L3MBTL4: variants seen among roughly 807,000 people sequenced by gnomAD.
The protein encoded by L3MBTL4 is L3MBTL histone methyl-lysine binding protein 4, also known as lethal(3)malignant brain tumor-like protein 4.
L3MBTL4 carries 70 observed loss-of-function variants against 84.5 expected under a neutral mutation model. The observed-to-expected ratio is 0.83, with a 90% confidence interval of 0.68 to 1.01. The LOEUF is 1.01. Ranked by LOEUF, L3MBTL4 falls within the 50% of genes least tolerant of loss-of-function variation. The pLI, the probability that L3MBTL4 is intolerant of heterozygous loss-of-function variation, is 0.00. For synonymous variants in L3MBTL4, 274 were observed against 259.8 expected (o/e 1.05, Z -0.52); for missense variants, 715 against 754.8 (o/e 0.95, Z 0.62).
At chr18:6,202,952 C>A (rs1433024309) in intron 12 of L3MBTL4, among the ~76,000 whole-genome samples, 1 of 152,148 alleles carries the variant, frequency 6.6e-6, no homozygotes. Context: ...GAATGGATGA[C>A]CTCACTTAAG....
intron 16 of L3MBTL4, among the ~76,000 whole-genome samples, chr18:6,057,467 C>A (rs1270118292): frequency 6.6e-6 from 1 of 152,120 alleles, no homozygotes; most frequent in Non-Finnish European, 1.5e-5. Flanking sequence ...AAAATGTCAT[C>A]AAAATACCTA....
At chr18:6,087,168 A>G (rs1420367516) in intron 15 of L3MBTL4, among the ~76,000 whole-genome samples, 2 of 152,224 alleles carry the variant, frequency 1.3e-5, no homozygotes, top group Non-Finnish European at 1.5e-5. Context: ...GAATGAATGA[A>G]TATGTCTAAT....
chr18:6,091,888 A>C (rs1339039965), intron 15 of L3MBTL4, among the ~76,000 whole-genome samples: 1 of 152,188 alleles, frequency 6.6e-6, no homozygotes, highest in African/African-American at 2.4e-5. Flanking sequence ...GGTCTCTATG[A>C]TTCTGGAATA....
intron 1 of L3MBTL4, among the ~76,000 whole-genome samples, chr18:6,337,402 T>A (rs1358276949): frequency 2.0e-5 from 3 of 152,234 alleles, no homozygotes; most frequent in Non-Finnish European, 2.9e-5. Flanking sequence ...ATACAGTCAT[T>A]AAACAGAATG....
At chr18:6,035,427 T>C (rs1218011209) in intron 16 of L3MBTL4, among the ~76,000 whole-genome samples, 4 of 150,776 alleles carry the variant, frequency 2.7e-5, no homozygotes, top group African/African-American at 9.7e-5. Flanking sequence ...ATTGCTTGTT[T>C]TTCTCAGGTT....
intron 5 of L3MBTL4, among the ~76,000 whole-genome samples, chr18:6,261,542 C>A (rs1007172206): frequency 3.9e-5 from 6 of 152,212 alleles, no homozygotes; most frequent in African/African-American, 1.4e-4. Flanking sequence ...CGTTGTGCCC[C>A]TCCCACTTAC....
At chr18:6,372,773 GT>G (rs2054207758) in intron 1 of L3MBTL4, among the ~76,000 whole-genome samples, 2 of 152,126 alleles carry the variant, frequency 1.3e-5, no homozygotes, top group Admixed American at 6.5e-5. Flanking sequence ...AATTGCTTCA[GT>G]GTTTTCTTTG....
At chr18:6,078,425 TCAAAAAAAAAAAA>T (rs2057938779) in intron 16 of L3MBTL4, among the ~76,000 whole-genome samples, 1 of 32,806 alleles carries the variant, frequency 3.0e-5, no homozygotes, top group African/African-American at 2.2e-4. Context: ...AGAGTCCACC[TCAAAAAAAAAAAA>T]CAAAAAAAAA....
At chr18:6,349,890 A>G (rs2053096869) in intron 1 of L3MBTL4, among the ~76,000 whole-genome samples, 1 of 152,132 alleles carries the variant, frequency 6.6e-6, no homozygotes, top group Non-Finnish European at 1.5e-5. Context: ...ATGTTTCTTG[A>G]TCTGAATGCT....
chr18:6,046,416 A>G (rs1236376534), intron 16 of L3MBTL4, among the ~76,000 whole-genome samples: 1 of 152,226 alleles, frequency 6.6e-6, no homozygotes, highest in African/African-American at 2.4e-5. Flanking sequence ...CCTAATAGGC[A>G]TCTACAGAAT....
At chr18:6,135,099 C>A (rs1220233363) in intron 14 of L3MBTL4, among the ~76,000 whole-genome samples, 2 of 152,198 alleles carry the variant, frequency 1.3e-5, no homozygotes. Flanking sequence ...CATGTGGAAG[C>A]TGCCAAGGCT....
At chr18:5,994,102 T>C (rs572174430) in intron 16 of L3MBTL4, among the ~76,000 whole-genome samples, 2 of 152,314 alleles carry the variant, frequency 1.3e-5, no homozygotes, top group South Asian at 2.1e-4. Flanking sequence ...TCTACCTCCC[T>C]GTCCACCAGG....
At chr18:5,961,512 A>C (rs9964544) in intron 17 of L3MBTL4, among the ~76,000 whole-genome samples, 56,336 of 152,034 alleles carry the variant, frequency 0.37, 10,742 homozygotes, top group East Asian at 0.51. Context: ...GCTTTACTCA[A>C]CCCTGGTGCT....
chr18:6,201,807 C>A (rs368529437), intron 12 of L3MBTL4, among the ~76,000 whole-genome samples: 2 of 152,162 alleles, frequency 1.3e-5, no homozygotes, highest in East Asian at 3.9e-4. Context: ...TAAATATGTA[C>A]AAATATTGCA....
intron 16 of L3MBTL4, among the ~76,000 whole-genome samples, chr18:6,014,697 G>T (rs1167038997): frequency 3.3e-5 from 5 of 152,152 alleles, no homozygotes; most frequent in Non-Finnish European, 1.5e-5. Flanking sequence ...GTGAATAGGG[G>T]AAGAGGAGCT....
At chr18:6,064,349 T>C (rs1350520147) in intron 16 of L3MBTL4, among the ~76,000 whole-genome samples, 1 of 152,144 alleles carries the variant, frequency 6.6e-6, no homozygotes, top group Non-Finnish European at 1.5e-5. Context: ...AGGCTCTCTT[T>C]TCATTCCATA....
chr18:6,407,868 T>C (rs146507430), intron 1 of L3MBTL4, among the ~76,000 whole-genome samples: 80 of 152,294 alleles, frequency 5.3e-4, no homozygotes, highest in African/African-American at 1.7e-3. Context: ...CAGAGTGCAA[T>C]TGTGGACGAC....
chr18:6,312,946 C>G lies in L3MBTL4; in HGVS notation c.-90-890G>C, dbSNP rs146457490. Among the ~76,000 whole-genome samples the G allele has an allele frequency of 6.2e-4, 95 of 152,258 alleles. 1 individual carries two copies. The highest frequency in any genetic ancestry group is 4.9e-4 in the Non-Finnish European group (33 of 68,014). On this transcript the variant is annotated intron_variant, in intron 1 of 18. Coordinates refer to ENST00000317931, the MANE Select transcript of L3MBTL4 (RefSeq NM_001330559.2). ...GAACACCTTCCCCATTGCCTGCCCTCCCTTTTTCAACTTATCTAATTTGAA... is the reference window on the plus strand; with the variant it reads ...GAACACCTTCCCCATTGCCTGCCCTGCCTTTTTCAACTTATCTAATTTGAA...
rs755727644 is a variant in L3MBTL4, at chr18:6,215,847, T to C, written c.785-12A>G. The C allele has an allele frequency of 7.1e-7, 1 of 1,405,918 alleles. No individual in the cohort carries two copies. 87.1% of individuals were successfully genotyped at this position (1,405,918 alleles called of 1,614,324 possible). On this transcript the variant is annotated splice_polypyrimidine_tract_variant and intron_variant, in intron 10 of 18. Coordinates refer to ENST00000317931, the MANE Select transcript of L3MBTL4 (RefSeq NM_001330559.2). ...TGGATTGGGATAACCTGAAAATATATATATATAAATAGCAAAAGATTACTC... is the reference window on the plus strand; with the variant it reads ...TGGATTGGGATAACCTGAAAATATACATATATAAATAGCAAAAGATTACTC...
Sources: gnomAD v4.1 joint callset for allele counts (sites outside exome capture counted in the v4.1 genomes callset) on GRCh38, gnomAD v4.1.1 for gene constraint, MANE v1.5 for transcripts, NCBI Gene and HGNC (gene_info 2026-07-23, HGNC 2026-07-21) for gene names.